SBNO1: variants seen among roughly 807,000 people sequenced by gnomAD.
The protein encoded by SBNO1 is protein strawberry notch homolog 1.
Under a neutral mutation model 173.6 loss-of-function variants are expected in SBNO1, and 23 were observed. The ratio of observed to expected loss-of-function variants is 0.13; its 90% CI spans 0.10 to 0.19. The LOEUF (loss-of-function observed/expected upper bound fraction) is 0.19. Among genes scored for constraint, SBNO1 ranks in the 10% least tolerant of loss-of-function variants. The pLI is 1.00. For synonymous variants in SBNO1, 632 were observed against 571.5 expected, an observed-to-expected ratio of 1.11 and a Z score of -1.51; for missense variants, 1,238 against 1,671.2, an observed-to-expected ratio of 0.74 and a Z score of 4.52.
intron 17 of SBNO1, 123 bp from the exon 18 acceptor site, chr12:123,320,989 G>C (rs910417403): frequency 2.7e-6 from 2 of 744,988 alleles, no homozygotes; most frequent in Admixed American, 3.2e-5. Context: ...GCCCAGGCTG[G>C]AGTGCAATGG....
intron 4 of SBNO1, among the ~76,000 whole-genome samples, chr12:123,342,462 C>CA (rs1284635472): frequency 6.6e-6 from 1 of 151,714 alleles, no homozygotes; most frequent in East Asian, 1.9e-4. Context: ...AGAAAAAAAA[C>CA]AAAAAAACCC....
chr12:123,311,065 A>T lies in SBNO1; in HGVS notation c.3285T>A (p.Thr1095=), dbSNP rs1375614541. 2.5e-6 allele frequency: 4 copies of T among 1,611,122 alleles called. No homozygotes were observed. Among genetic ancestry groups the T allele is most frequent in the Non-Finnish European group, 3.4e-6 (4 of 1,177,458 alleles). The part of the protein sequence containing the change: ...INVEDRSGIL[T]LDKDYNNIGK... ...AGCTAATAGTAGTACCTTTATCGAG[A>T]GTAAGAATTCCCGAGCGATCTTCTA... is the stretch of plus-strand genomic sequence containing the variant. The change falls in exon 25 of 32, where the codon ACT becomes ACA. Residue 1095 remains threonine, a synonymous_variant. Coordinates refer to ENST00000602398, the MANE Select transcript of SBNO1 (RefSeq NM_001167856.3).
At chr12:123,326,044 T>A in intron 14 of SBNO1, 108 bp downstream of exon 14, 1 of 710,962 alleles carries the variant, frequency 1.4e-6, no homozygotes, top group Non-Finnish European at 2.2e-6. Context: ...TTTTAGAAGT[T>A]TTACTATCCT....
At chr12:123,317,439 T>A (rs997173952) in intron 20 of SBNO1, 83 bp from the exon 21 acceptor site, 2 of 1,200,824 alleles carry the variant, frequency 1.7e-6, no homozygotes, top group Non-Finnish European at 2.4e-6. Context: ...TTCAGCAGAC[T>A]GCCTATTCTC....
At position 123,295,975 on chromosome 12, in the gene SBNO1, G is replaced by T; in HGVS notation, c.4115C>A (p.Ala1372Glu). The part of the protein sequence containing the change: ...LSTSDQSQQL[A>E]VQQKQLWQQH... ...TTGCCATAGCTGTTTCTGTTGGACC[G>T]CAAGCTGTTGAGACTGGTCTGAAGT... The change falls in exon 32 of 32, where the codon GCG becomes GAG. Residue 1372 changes from alanine (A) to glutamate (E), a missense_variant. Physicochemically the swap from Ala to Glu is moderately radical, Grantham distance 107 (BLOSUM62 -1). Transcript: ENST00000602398. 2.5e-6 allele frequency: 4 copies of T among 1,613,336 alleles called. No homozygotes were observed. Among genetic ancestry groups the T allele is most frequent in the Non-Finnish European group, 2.5e-6 (3 of 1,179,292 alleles).
chr12:123,362,620 T>C (rs1011244114), intron 1 of SBNO1, among the ~76,000 whole-genome samples: 1 of 150,080 alleles, frequency 6.7e-6, no homozygotes, highest in Non-Finnish European at 1.5e-5. Flanking sequence ...TAAAAAAAAA[T>C]TAGCCAGGTG....
intron 1 of SBNO1, among the ~76,000 whole-genome samples, chr12:123,350,929 C>T (rs949457535): frequency 1.3e-5 from 2 of 152,104 alleles, no homozygotes; most frequent in Admixed American, 6.6e-5. Context: ...TGAGACCAGC[C>T]CGGCCAAAAT....
chr12:123,363,967 T>G, intron 1 of SBNO1: 1 of 985,492 alleles, frequency 1.0e-6, no homozygotes, highest in South Asian at 4.7e-5. Context: ...ATCCACTGCT[T>G]TGGGGAACTC....
At chr12:123,324,388 C>T (rs1215738294) in intron 15 of SBNO1, among the ~76,000 whole-genome samples, 2 of 151,138 alleles carry the variant, frequency 1.3e-5, no homozygotes, top group African/African-American at 4.9e-5. Flanking sequence ...ATGGTGCCAT[C>T]TCAGCTCACT....
At position 123,320,797 on chromosome 12, in the gene SBNO1, T is replaced by C. The variant is rs1869865718; in HGVS notation, c.2393A>G (p.Asp798Gly). ...EKKKKKSIDP[D>G]SIQSALLASG... ...TGCTAATAAGGCACTTTGAATAGAA[T>C]CTGGATCTATACTTTTCTTCTTTTT... Residue 798 changes from aspartate to glycine, a missense_variant, in exon 18 of 32, where the codon GAT becomes GGT. By Grantham distance (94) the Asp-to-Gly change is moderately conservative. Transcript: ENST00000602398. 1 of 1,604,852 alleles carries C rather than the reference T, an allele frequency of 6.2e-7. No individual in the cohort carries two copies. The highest frequency in any genetic ancestry group is 1.3e-5 in the African/African-American group (1 of 74,440).
At chr12:123,322,934 A>G (rs1044859380) in intron 16 of SBNO1, among the ~76,000 whole-genome samples, 1 of 152,102 alleles carries the variant, frequency 6.6e-6, no homozygotes, top group African/African-American at 2.4e-5. Flanking sequence ...AACTACTGAA[A>G]CACCCAGCTG....
intron 7 of SBNO1, 151 bp from the exon 8 acceptor site, chr12:123,331,526 T>C (rs1003652708): frequency 1.2e-6 from 1 of 802,818 alleles, no homozygotes; most frequent in Non-Finnish European, 1.9e-6. Context: ...TCATAGAGTT[T>C]TGGATTTTTT....
rs902099724 is a variant in SBNO1 at position 123,294,328 on chromosome 12, A to G, written c.*1580T>C. On this transcript the variant is annotated 3_prime_UTR_variant, in exon 32 of 32. Coordinates refer to ENST00000602398, the MANE Select transcript of SBNO1 (RefSeq NM_001167856.3). Reference sequence around the variant, plus strand: ...TCACCCAATTCTGCAAGAAGTTTACAAACAATTCAACTTAAAAAACATTCA... The same window carrying G: ...TCACCCAATTCTGCAAGAAGTTTACGAACAATTCAACTTAAAAAACATTCA... 2 of 152,214 alleles carry G rather than the reference A, an allele frequency of 1.3e-5. No homozygotes were observed. Among genetic ancestry groups the G allele is most frequent in the African/African-American group, 4.8e-5 (2 of 41,446 alleles). The allele number at this position is 152,214 out of a possible 1,614,324, so 9.4% of individuals were successfully genotyped here.
chr12:123,353,671 T>C (rs975758363), intron 1 of SBNO1, among the ~76,000 whole-genome samples: 2 of 152,174 alleles, frequency 1.3e-5, no homozygotes, highest in Non-Finnish European at 2.9e-5. Context: ...TTACAAATTA[T>C]CCTACTGCAT....
At position 123,295,652 on chromosome 12, in the gene SBNO1, C is replaced by T. The variant is rs1017584498; in HGVS notation, c.*256G>A. Reference sequence around the variant, plus strand: ...CTGACACACACGCACACACACATCCCCCTCTGCTCACCCGAAGTAAAAGCA... The same window carrying T: ...CTGACACACACGCACACACACATCCTCCTCTGCTCACCCGAAGTAAAAGCA... On this transcript the variant is annotated 3_prime_UTR_variant, in exon 32 of 32. Transcript: ENST00000602398. 13 of 439,090 alleles carry T rather than the reference C, an allele frequency of 3.0e-5. No homozygotes were observed. In the South Asian group the frequency reaches 3.8e-4, roughly 13 times the overall value. 27.2% of individuals were successfully genotyped at this position (439,090 alleles called of 1,614,324 possible). A position where few individuals can be genotyped will look rare whatever the true frequency, so the allele number is the denominator to read the frequency against.
intron 4 of SBNO1, 78 bp from the exon 5 acceptor site, chr12:123,341,166 TA>T: frequency 1.2e-6 from 1 of 858,710 alleles, no homozygotes; most frequent in African/African-American, 1.7e-5. Context: ...TCCAGAAGTT[TA>T]AGGCTGCTGC....
intron 3 of SBNO1, among the ~76,000 whole-genome samples, chr12:123,346,747 G>A (rs1473287087): frequency 6.6e-6 from 1 of 151,902 alleles, no homozygotes; most frequent in Admixed American, 6.6e-5. Context: ...ATCAATGACC[G>A]TGTTATATAT....
At chr12:123,313,201 A>AAAATAAATAAATAAAT (rs370130754) in intron 24 of SBNO1, among the ~76,000 whole-genome samples, 1 of 138,328 alleles carries the variant, frequency 7.2e-6, no homozygotes, top group Non-Finnish European at 1.5e-5. Context: ...ACTCGGTCTT[A>AAAATAAATAAATAAAT]AAATAAATAA....
At chr12:123,357,895 A>G (rs897690256) in intron 1 of SBNO1, among the ~76,000 whole-genome samples, 1 of 152,244 alleles carries the variant, frequency 6.6e-6, no homozygotes, top group Non-Finnish European at 1.5e-5. Flanking sequence ...CAAATTATAT[A>G]CAAAGCCACA....
Sources: gnomAD v4.1 joint callset for allele counts (sites outside exome capture counted in the v4.1 genomes callset) on GRCh38, gnomAD v4.1.1 for gene constraint, MANE v1.5 for transcripts, NCBI Gene and HGNC (gene_info 2026-07-23, HGNC 2026-07-21) for gene names.